KIAA0319L: variants seen among roughly 807,000 people sequenced by gnomAD.
KIAA0319L encodes the protein KIAA0319 like, also known as dyslexia-associated protein KIAA0319-like protein.
KIAA0319L carries 55 observed loss-of-function variants against 120.1 expected under a neutral mutation model. The ratio of observed to expected loss-of-function variants is 0.46; its 90% CI spans 0.37 to 0.57. The LOEUF (loss-of-function observed/expected upper bound fraction) is 0.57. KIAA0319L is among the 20% of genes least tolerant of loss of function. The pLI is 0.00. For missense variants in KIAA0319L, 1,049 were observed against 1,255.3 expected, an observed-to-expected ratio of 0.84 and a Z score of 2.48; for synonymous variants, 398 against 471.9, an observed-to-expected ratio of 0.84 and a Z score of 2.03.
At chr1:35,496,433 A>C (rs1295814615) in intron 3 of KIAA0319L, among the ~76,000 whole-genome samples, 1 of 152,180 alleles carries the variant, frequency 6.6e-6, no homozygotes, top group Non-Finnish European at 1.5e-5. Flanking sequence ...AAAATAAAAA[A>C]TAAAATAAAA....
intron 3 of KIAA0319L, among the ~76,000 whole-genome samples, chr1:35,479,741 CA>C (rs1205300970): frequency 2.0e-5 from 3 of 151,624 alleles, no homozygotes; most frequent in African/African-American, 7.3e-5. Context: ...CCTGTCTCTA[CA>C]AAACATAAAA....
intron 9 of KIAA0319L, among the ~76,000 whole-genome samples, chr1:35,457,085 T>C (rs1291594899): frequency 2.0e-5 from 3 of 152,162 alleles, no homozygotes; most frequent in Admixed American, 6.5e-5. Context: ...GAGGTCTCTA[T>C]AAGAATTGTC....
At chr1:35,484,343 A>G (rs1363403325) in intron 3 of KIAA0319L, among the ~76,000 whole-genome samples, 1 of 152,138 alleles carries the variant, frequency 6.6e-6, no homozygotes, top group Non-Finnish European at 1.5e-5. Context: ...TGAGAGGCTG[A>G]AGGAGGATTG....
At chr1:35,443,711 T>C (rs1033141532) in intron 17 of KIAA0319L, among the ~76,000 whole-genome samples, 7 of 149,174 alleles carry the variant, frequency 4.7e-5, no homozygotes, top group African/African-American at 1.8e-4. Context: ...TAAATAAGCA[T>C]TAAACAACAA....
chr1:35,493,667 A>G (rs1328623477), intron 3 of KIAA0319L, among the ~76,000 whole-genome samples: 1 of 151,982 alleles, frequency 6.6e-6, no homozygotes, highest in Non-Finnish European at 1.5e-5. Context: ...AGCCTGGGCA[A>G]CATGGTGAAG....
intron 3 of KIAA0319L, among the ~76,000 whole-genome samples, chr1:35,494,676 T>TG (rs1644732468): frequency 6.8e-6 from 1 of 147,980 alleles, no homozygotes; most frequent in Non-Finnish European, 1.5e-5. Context: ...GCAGGCATGG[T>TG]GGTGCATGCC....
intron 20 of KIAA0319L, chr1:35,439,406 C>CTG (rs1641036115): frequency 6.6e-6 from 1 of 152,218 alleles, no homozygotes; most frequent in South Asian, 2.1e-4. Context: ...AGAGTGAAGT[C>CTG]TGTCCGTTTG....
intron 7 of KIAA0319L, among the ~76,000 whole-genome samples, chr1:35,465,983 CCT>C (rs1435058383): frequency 2.6e-4 from 39 of 152,298 alleles, no homozygotes; most frequent in African/African-American, 9.4e-4. Context: ...GTCCATTAAA[CCT>C]CTTTCTTTTG....
At chr1:35,493,801 C>T (rs934971304) in intron 3 of KIAA0319L, among the ~76,000 whole-genome samples, 5 of 151,928 alleles carry the variant, frequency 3.3e-5, no homozygotes, top group South Asian at 2.1e-4. Context: ...GCCGAGATCA[C>T]GCCACTGCAC....
At chr1:35,553,001 C>T (rs1242610793) in intron 2 of KIAA0319L, among the ~76,000 whole-genome samples, 1 of 151,890 alleles carries the variant, frequency 6.6e-6, no homozygotes, top group East Asian at 1.9e-4. Flanking sequence ...GCAGGACAAT[C>T]GCTTGAACCT....
rs936456250 is a variant in KIAA0319L at position 35,456,734 on chromosome 1, C to T, written c.1428-493G>A. ...GCTGAGGCAAGAGAATTTCTTGAAC[C>T]CGGGAGGCGGACGTTGCAGTGAGCT... On this transcript the variant is annotated intron_variant, in intron 9 of 20. Coordinates refer to ENST00000325722, the MANE Select transcript of KIAA0319L (RefSeq NM_024874.5). 1.3e-5 allele frequency among the ~76,000 whole-genome samples: 2 copies of T among 151,680 alleles called. 1 individual carries two copies. The highest frequency in any genetic ancestry group is 4.2e-4 in the South Asian group (2 of 4,788).
chr1:35,452,021 C>A (rs1343323789), intron 12 of KIAA0319L, among the ~76,000 whole-genome samples: 5 of 152,220 alleles, frequency 3.3e-5, no homozygotes, highest in Admixed American at 2.6e-4. Flanking sequence ...TTTATATGAG[C>A]TTCTAGAACA....
intron 2 of KIAA0319L, among the ~76,000 whole-genome samples, chr1:35,548,390 A>G (rs1465652227): frequency 6.6e-6 from 1 of 152,174 alleles, no homozygotes; most frequent in Non-Finnish European, 1.5e-5. Flanking sequence ...TCAGAAATTT[A>G]CCAGTATTAT....
chr1:35,489,323 A>G (rs1317408068), intron 3 of KIAA0319L, among the ~76,000 whole-genome samples: 1 of 152,234 alleles, frequency 6.6e-6, no homozygotes, highest in East Asian at 1.9e-4. Flanking sequence ...CAAATATATT[A>G]AACAATGGCG....
intron 3 of KIAA0319L, among the ~76,000 whole-genome samples, chr1:35,482,191 T>A (rs1644199882): frequency 6.6e-6 from 1 of 151,570 alleles, no homozygotes; most frequent in Non-Finnish European, 1.5e-5. Flanking sequence ...GTAAGTACCC[T>A]TTTTTTTGAG....
chr1:35,533,672 C>A lies in KIAA0319L; in HGVS notation c.142+20678G>T, dbSNP rs571723877. 2.6e-5 allele frequency among the ~76,000 whole-genome samples: 4 copies of A among 152,312 alleles called. No individual in the cohort carries two copies. In the South Asian group the frequency reaches 8.3e-4, roughly 32 times the overall value. ...TCAGTAATTGAACTATGGCTCTACA[C>A]CATCTGTCTTCCTACAGCTATCATC... On this transcript the variant is annotated intron_variant, in intron 2 of 20. Coordinates refer to ENST00000325722, the MANE Select transcript of KIAA0319L (RefSeq NM_024874.5).
intron 10 of KIAA0319L, among the ~76,000 whole-genome samples, 154 bp downstream of exon 10, chr1:35,455,859 G>A (rs1341336116): frequency 6.6e-6 from 1 of 152,168 alleles, no homozygotes; most frequent in African/African-American, 2.4e-5. Flanking sequence ...GATTACAGGC[G>A]TGAGCCACCA....
At chr1:35,484,465 A>C (rs1045706821) in intron 3 of KIAA0319L, among the ~76,000 whole-genome samples, 1 of 152,114 alleles carries the variant, frequency 6.6e-6, no homozygotes, top group Non-Finnish European at 1.5e-5. Context: ...ATATAGAAAC[A>C]CAAGTGATTT....
At chr1:35,517,530 ACC>A in intron 2 of KIAA0319L, among the ~76,000 whole-genome samples, 1 of 152,320 alleles carries the variant, frequency 6.6e-6, no homozygotes, top group Admixed American at 6.5e-5. Flanking sequence ...TTAAAGCTGG[ACC>A]CCTTCCTTAT....
Sources: gnomAD v4.1 joint callset for allele counts (sites outside exome capture counted in the v4.1 genomes callset) on GRCh38, gnomAD v4.1.1 for gene constraint, MANE v1.5 for transcripts, NCBI Gene and HGNC (gene_info 2026-07-23, HGNC 2026-07-21) for gene names.